HACL1: variants seen among roughly 807,000 people sequenced by gnomAD.
HACL1 encodes the protein 2-hydroxyacyl-CoA lyase 1.
HACL1 carries 64 observed loss-of-function variants against 74.2 expected under a neutral mutation model. That is an observed-to-expected ratio of 0.86 (90% CI 0.70 to 1.06). The LOEUF (loss-of-function observed/expected upper bound fraction) is 1.06, where lower values mean the gene tolerates loss of function less well. HACL1 is among the 50% of genes least tolerant of loss of function. The probability of loss-of-function intolerance (pLI) is 0.00; values close to 1 mark genes in which losing one functional copy is unlikely to be tolerated. For missense variants in HACL1, 728 were observed against 719.7 expected (o/e 1.01, Z -0.13); for synonymous variants, 230 against 238.8 (o/e 0.96, Z 0.34).
Position 15,585,291 on chromosome 3 carries a change from G to A in HACL1, c.511C>T (p.Pro171Ser). The A allele has an allele frequency of 6.2e-7, 1 of 1,603,844 alleles. No homozygotes were observed. The highest frequency in any genetic ancestry group is 8.5e-7 in the Non-Finnish European group (1 of 1,170,756). ...GRPGACYVDIPADFVNLQVNV... is the reference protein window; with the variant it reads ...GRPGACYVDISADFVNLQVNV... The stretch of plus-strand genomic sequence containing the variant: ...ACCTGAAGGTTCACAAAATCTGCTG[G>A]TATGTCAACATAGCAAGCACCTGGA... The change falls in exon 7 of 17, where the codon CCA becomes TCA. Residue 171 changes from proline (P) to serine (S), a missense_variant. Transcript: ENST00000321169.
chr3:15,578,097 CAAAAAAAAAAAA>C (rs397876768), intron 9 of HACL1, among the ~76,000 whole-genome samples: 3 of 60,308 alleles, frequency 5.0e-5, no homozygotes, highest in Non-Finnish European at 1.1e-4. Context: ...GACTCCGTCT[CAAAAAAAAAAAA>C]AAAAAAAAAC....
At chr3:15,586,991 A>G (rs976822369) in intron 5 of HACL1, among the ~76,000 whole-genome samples, 1 of 152,210 alleles carries the variant, frequency 6.6e-6, no homozygotes, top group African/African-American at 2.4e-5. Context: ...ATAAAACTTC[A>G]TCTGTTAGAT....
intron 14 of HACL1, among the ~76,000 whole-genome samples, chr3:15,566,424 C>T (rs1290225907): frequency 2.0e-5 from 3 of 152,082 alleles, no homozygotes; most frequent in East Asian, 3.9e-4. Context: ...GAGGCCAAGG[C>T]GGGTGGATTG....
At chr3:15,568,323 A>G (rs1321976199) in intron 13 of HACL1, 109 bp downstream of exon 13, 1 of 732,386 alleles carries the variant, frequency 1.4e-6, no homozygotes, top group Non-Finnish European at 2.3e-6. Flanking sequence ...ATGTCCTTAC[A>G]TACTAAACAT....
intron 10 of HACL1, 120 bp from the exon 11 acceptor site, chr3:15,573,362 T>C: frequency 1.6e-6 from 1 of 624,246 alleles, no homozygotes; most frequent in South Asian, 2.0e-5. Flanking sequence ...AGATTTGATA[T>C]TCAGAAGTTC....
chr3:15,601,334 C>G (rs1232338801), intron 1 of HACL1, 49 bp downstream of exon 1: 1 of 1,611,212 alleles, frequency 6.2e-7, no homozygotes, highest in Admixed American at 1.7e-5. Flanking sequence ...ACATCGCGGT[C>G]CCCGCCAGCT....
intron 9 of HACL1, among the ~76,000 whole-genome samples, chr3:15,577,775 G>A (rs1258221493): frequency 6.6e-6 from 1 of 151,624 alleles, no homozygotes; most frequent in Non-Finnish European, 1.5e-5. Context: ...TCCAGTCCAG[G>A]CAACAGAGCA....
chr3:15,570,277 G>C (rs1381325161), intron 12 of HACL1, among the ~76,000 whole-genome samples: 1 of 151,734 alleles, frequency 6.6e-6, no homozygotes, highest in Non-Finnish European at 1.5e-5. Context: ...AGAGGTTGCA[G>C]TGAGCCAAGA....
In HACL1 at chr3:15,601,555, T is replaced by C. The variant is rs752437876; in HGVS notation, c.-92A>G. 4.4e-6 allele frequency: 7 copies of C among 1,603,602 alleles called. No individual in the cohort carries two copies. The African/African-American group carries it at 8.0e-5, about 18-fold the overall frequency. ...CGCGAAATCGGCAGCACGCCACCTC[T>C]GGTACTGCACCTCTGACGGACAGGA... is the stretch of plus-strand genomic sequence containing the variant. On this transcript the variant is annotated 5_prime_UTR_variant, in exon 1 of 17. Coordinates refer to ENST00000321169, the MANE Select transcript of HACL1 (RefSeq NM_012260.4).
intron 3 of HACL1, chr3:15,596,167 T>C: frequency 2.0e-6 from 1 of 502,946 alleles, no homozygotes; most frequent in Non-Finnish European, 3.6e-6. Context: ...TCACCAGTGA[T>C]TCACTCTACA....
chr3:15,599,700 T>A (rs568808207), intron 2 of HACL1, among the ~76,000 whole-genome samples: 10 of 152,282 alleles, frequency 6.6e-5, no homozygotes, highest in African/African-American at 2.4e-4. Context: ...ACATCTATTG[T>A]GAGAGTTATA....
chr3:15,596,165 G>C, intron 3 of HACL1: 1 of 501,310 alleles, frequency 2.0e-6, no homozygotes, highest in East Asian at 3.4e-5. Context: ...GATCACCAGT[G>C]ATTCACTCTA....
chr3:15,586,735 T>A, intron 5 of HACL1, 133 bp from the exon 6 acceptor site: 1 of 574,916 alleles, frequency 1.7e-6, no homozygotes, highest in Middle Eastern at 4.5e-4. Flanking sequence ...GCCTAGACTG[T>A]CCCTTAAAAG....
At chr3:15,600,308 A>C (rs2064176810) in intron 2 of HACL1, among the ~76,000 whole-genome samples, 1 of 152,250 alleles carries the variant, frequency 6.6e-6, no homozygotes, top group African/African-American at 2.4e-5. Flanking sequence ...TTAAATTAGA[A>C]GGCAACGGTG....
In HACL1 at chr3:15,567,868, C is replaced by G. The variant is rs1246263530; in HGVS notation, c.1385G>C (p.Gly462Ala). Reference sequence around the variant, plus strand: ...CCTGCAGATGGTTTCTACCTCCATGCCAGAAAACCCAAATGCACTGTCTCC... The same window carrying G: ...CCTGCAGATGGTTTCTACCTCCATGGCAGAAAACCCAAATGCACTGTCTCC... ...VEGDSAFGFSGMEVETICRYN... is the reference protein window; with the variant it reads ...VEGDSAFGFSAMEVETICRYN... Residue 462 changes from glycine (G) to alanine (A), a missense_variant, in exon 14 of 17, where the codon GGC becomes GCC. Physicochemically the swap from Gly to Ala is moderately conservative, Grantham distance 60 (BLOSUM62 0). Transcript: ENST00000321169. 1 of 1,613,962 alleles carries G rather than the reference C, an allele frequency of 6.2e-7. No individual in the cohort carries two copies. The highest frequency in any genetic ancestry group is 8.5e-7 in the Non-Finnish European group (1 of 1,179,798).
chr3:15,565,606 C>G (rs1173334931), intron 14 of HACL1, among the ~76,000 whole-genome samples: 1 of 152,202 alleles, frequency 6.6e-6, no homozygotes, highest in Non-Finnish European at 1.5e-5. Context: ...TTTCCAAGGG[C>G]AAGTGGTAAA....
chr3:15,573,369 G>A (rs2063570483), intron 10 of HACL1, 127 bp from the exon 11 acceptor site: 1 of 613,406 alleles, frequency 1.6e-6, no homozygotes, highest in Non-Finnish European at 2.9e-6. Context: ...ATATTCAGAA[G>A]TTCCTTAATA....
intron 2 of HACL1, among the ~76,000 whole-genome samples, chr3:15,599,186 T>C (rs1432573176): frequency 6.6e-6 from 1 of 152,256 alleles, no homozygotes; most frequent in Non-Finnish European, 1.5e-5. Flanking sequence ...TGTCTGTGTC[T>C]GTCTCCACAG....
chr3:15,597,218 C>T (rs111728303), intron 2 of HACL1, among the ~76,000 whole-genome samples: 94 of 152,238 alleles, frequency 6.2e-4, no homozygotes, highest in Middle Eastern at 3.4e-3. Flanking sequence ...TTACAAAATA[C>T]CAAAAAGTAT....
Sources: allele counts gnomAD v4.1 joint callset (sites outside exome capture counted in the v4.1 genomes callset), GRCh38; gene constraint gnomAD v4.1.1; transcripts MANE v1.5; gene names NCBI Gene and HGNC (gene_info 2026-07-23, HGNC 2026-07-21).